COL9A3: variants seen among roughly 807,000 people sequenced by gnomAD.
COL9A3 encodes collagen type IX alpha 3 chain.
A neutral mutation model predicts 110.2 loss-of-function variants in COL9A3; 82 were observed. That is an observed-to-expected ratio of 0.74 (90% CI 0.62 to 0.89). COL9A3 has a LOEUF of 0.89. Ranked by LOEUF, COL9A3 falls within the 40% of genes least tolerant of loss-of-function variation. The pLI is 0.00. For missense variants in COL9A3, 1,066 were observed against 981.3 expected (o/e 1.09, Z -1.15); for synonymous variants, 494 against 403.8 (o/e 1.22, Z -2.68).
At chr20:62,834,802 C>A (rs942839833) in intron 26 of COL9A3, among the ~76,000 whole-genome samples, 2 of 152,058 alleles carry the variant, frequency 1.3e-5, no homozygotes, top group African/African-American at 4.8e-5. Context: ...ACCATCACAC[C>A]CGGCTAATTT....
rs140377811 is a variant in COL9A3 at position 62,837,209 on chromosome 20, G to A, written c.1730G>A (p.Arg577Gln). Reference protein sequence around the residue: ...PPGSIGHPGARGPPGYRGPTG... With the variant: ...PPGSIGHPGAQGPPGYRGPTG... ...GGCTCCATTGGTCACCCTGGCGCTC[G>A]AGGACCCCCTGGATACCGCGGTCCC... The change falls in exon 30 of 32, where the codon CGA (arginine) becomes CAA (glutamine). Residue 577 changes from arginine (R) to glutamine (Q), a missense_variant. Physicochemically the swap from Arg to Gln is conservative, Grantham distance 43. Transcript: ENST00000649368. The A allele has an allele frequency of 2.6e-4, 423 of 1,612,258 alleles. No homozygotes were observed. The highest frequency in any genetic ancestry group is 3.1e-4 in the Non-Finnish European group (370 of 1,179,634).
Position 62,829,787 on chromosome 20 carries a change from G to A in COL9A3, c.1129G>A (p.Glu377Lys). 1.3e-6 allele frequency: 2 copies of A among 1,586,130 alleles called. No individual in the cohort carries two copies. The highest frequency in any genetic ancestry group is 1.7e-6 in the Non-Finnish European group (2 of 1,166,686). ...GVPGDAGMPGERGEAGHRGSA... is the reference protein window; with the variant it reads ...GVPGDAGMPGKRGEAGHRGSA... ...GTAGGGAGATGCTGGCATGCCTGGG[G>A]AGCGCGGTGAGGCTGGCCACCGGGG... is the stretch of plus-strand genomic sequence containing the variant. The change falls in exon 22 of 32, where the codon GAG becomes AAG. Residue 377 changes from glutamate (E) to lysine (K), a missense_variant. Transcript: ENST00000649368.
At chr20:62,835,579 G>A (rs1171825079) in intron 26 of COL9A3, among the ~76,000 whole-genome samples, 1 of 152,184 alleles carries the variant, frequency 6.6e-6, no homozygotes, top group Admixed American at 6.5e-5. Context: ...GACCCAGCTG[G>A]AGGGGGTTCC....
At chr20:62,832,706 T>TGGGTGGGGCCGTGGTCTGGCTG in intron 25 of COL9A3, 1 of 361,690 alleles carries the variant, frequency 2.8e-6, no homozygotes, top group Non-Finnish European at 4.6e-6. Flanking sequence ...GTGCCTGCTC[T>TGGGTGGGGCCGTGGTCTGGCTG]CACTTCTAGG....
intron 12 of COL9A3, chr20:62,825,360 G>C (rs561371786): frequency 1.2e-5 from 4 of 329,686 alleles, no homozygotes; most frequent in African/African-American, 8.5e-5. Flanking sequence ...TTGTGTCTGT[G>C]GCCGGGGCGA....
chr20:62,826,077 T>A, intron 13 of COL9A3, 127 bp from the exon 14 acceptor site: 2 of 1,177,264 alleles, frequency 1.7e-6, no homozygotes, highest in Non-Finnish European at 2.4e-6. Flanking sequence ...CTGGGGGACC[T>A]GAGCTGAGGC....
intron 27 of COL9A3, 78 bp from the exon 28 acceptor site, chr20:62,836,085 AGGCTGGGCAAGACGGCTCCGTGCC>A: frequency 1.2e-6 from 2 of 1,604,150 alleles, no homozygotes; most frequent in Non-Finnish European, 1.7e-6. Context: ...GCTCTGGTCA[AGGCTGGGCAAGACGGCTCCGTGCC>A]GGCTGGGAAA....
intron 5 of COL9A3, among the ~76,000 whole-genome samples, chr20:62,820,197 C>T (rs1288785035): frequency 2.6e-5 from 4 of 152,052 alleles, no homozygotes; most frequent in Non-Finnish European, 2.9e-5. Context: ...TCAGAGTTGT[C>T]CTGGTATCCA....
chr20:62,823,309 G>A (rs56996604), intron 10 of COL9A3, among the ~76,000 whole-genome samples: 237 of 152,300 alleles, frequency 1.6e-3, no homozygotes, highest in African/African-American at 5.6e-3. Flanking sequence ...GCACTCCAGC[G>A]TGAGCAGCCA....
chr20:62,817,032 G>A, upstream of COL9A3: 1 of 1,195,924 alleles, frequency 8.4e-7, no homozygotes, highest in Non-Finnish European at 1.0e-6. Context: ...CGCGCCGCCC[G>A]CCCCGACGCC....
chr20:62,829,769 G>T lies in COL9A3; in HGVS notation c.1111G>T (p.Asp371Tyr). 6.3e-7 allele frequency: 1 copy of T among 1,591,414 alleles called. No homozygotes were observed. Reference sequence around the variant, plus strand: ...ACCCTCCTTCCTTTCCCTGTAGGGAGATGCTGGCATGCCTGGGGAGCGCGG... The same window carrying T: ...ACCCTCCTTCCTTTCCCTGTAGGGATATGCTGGCATGCCTGGGGAGCGCGG... ...GPSGEPGVPG[D>Y]AGMPGERGEA... The change falls in exon 22 of 32, where the codon GAT (aspartate) becomes TAT (tyrosine). Residue 371 changes from aspartate to tyrosine, a missense_variant. By Grantham distance (160) the Asp-to-Tyr change is radical. Transcript: ENST00000649368.
chr20:62,823,703 C>T (rs905562856), intron 10 of COL9A3, among the ~76,000 whole-genome samples: 1 of 152,246 alleles, frequency 6.6e-6, no homozygotes, highest in Non-Finnish European at 1.5e-5. Flanking sequence ...AGAAGCAGCC[C>T]TGGGTTTCCT....
At chr20:62,836,063 G>T in intron 27 of COL9A3, 110 bp downstream of exon 27, 1 of 1,606,900 alleles carries the variant, frequency 6.2e-7, no homozygotes, top group Non-Finnish European at 8.5e-7. Context: ...GATCCGAGAT[G>T]TAAAAAAGCT....
In COL9A3 at chr20:62,826,255, C is replaced by G. The variant is rs377520445; in HGVS notation, c.736C>G (p.Arg246Gly). 7 of 1,550,760 alleles carry G rather than the reference C, an allele frequency of 4.5e-6. No homozygotes were observed. Among genetic ancestry groups the G allele is most frequent in the Admixed American group, 1.9e-5 (1 of 51,420 alleles). ...LPGPLGPPGD[R>G]GPIGFRGPPG... is the part of the protein sequence containing the mutation. ...AGGGCCACTCGGGCCCCCTGGGGACCGGGTAAGTCCTGCAGCCCCTAGTGG... is the reference window on the plus strand; with the variant it reads ...AGGGCCACTCGGGCCCCCTGGGGACGGGGTAAGTCCTGCAGCCCCTAGTGG... The change falls in exon 14 of 32, where the codon CGG becomes GGG. Residue 246 changes from arginine to glycine, a missense_variant and splice_region_variant. Arg to Gly is a moderately radical substitution (Grantham distance 125, BLOSUM62 -2). Coordinates refer to ENST00000649368, the MANE Select transcript of COL9A3 (RefSeq NM_001853.4).
intron 27 of COL9A3, 72 bp downstream of exon 27, chr20:62,836,025 A>G: frequency 6.2e-7 from 1 of 1,606,940 alleles, no homozygotes. Flanking sequence ...CCTCTGGGCA[A>G]CCAGGCAGCC....
chr20:62,830,476 A>T (rs1345989292), intron 23 of COL9A3, 41 bp from the exon 24 acceptor site: 2 of 1,597,768 alleles, frequency 1.3e-6, no homozygotes, highest in Non-Finnish European at 1.7e-6. Context: ...GCCAGACCCG[A>T]CAGGGTATGG....
chr20:62,818,502 G>T lies in COL9A3; in HGVS notation c.148-16G>T, dbSNP rs773898020. On this transcript the variant is annotated splice_polypyrimidine_tract_variant and intron_variant, in intron 2 of 31. Coordinates refer to ENST00000649368, the MANE Select transcript of COL9A3 (RefSeq NM_001853.4). The stretch of plus-strand genomic sequence containing the variant: ...CCCTGATTTTCAGGGTTACATGTGG[G>T]TGTCTTTCCTCACAGGGAGAAGCTG... 65 of 1,612,626 alleles carry T rather than the reference G, an allele frequency of 4.0e-5. No homozygotes were observed. The highest frequency in any genetic ancestry group is 5.2e-5 in the Non-Finnish European group (61 of 1,179,692).
At position 62,818,522 on chromosome 20, in the gene COL9A3, A is replaced by T; in HGVS notation, c.152A>T (p.Glu51Val). Residue 51 changes from glutamate to valine, a missense_variant, in exon 3 of 32, where the codon GAA (glutamate) becomes GTA (valine). Physicochemically the swap from Glu to Val is moderately radical, Grantham distance 121. Coordinates refer to ENST00000649368, the MANE Select transcript of COL9A3 (RefSeq NM_001853.4). ...GKPGQDGIDG[E>V]AGPPGLPGPP... ...TGTGGGTGTCTTTCCTCACAGGGAG[A>T]AGCTGGTCCTCCAGGTCTGCCTGGG... 2 of 1,613,050 alleles carry T rather than the reference A, an allele frequency of 1.2e-6. No homozygotes were observed. The highest frequency in any genetic ancestry group is 1.7e-6 in the Non-Finnish European group (2 of 1,179,940).
At chr20:62,834,350 G>C (rs1371764009) in intron 26 of COL9A3, among the ~76,000 whole-genome samples, 2 of 152,194 alleles carry the variant, frequency 1.3e-5, no homozygotes, top group Non-Finnish European at 2.9e-5. Flanking sequence ...ACTTCCACAG[G>C]CCTAAAACTC....
Sources: gnomAD v4.1 joint callset for allele counts (sites outside exome capture counted in the v4.1 genomes callset) on GRCh38, gnomAD v4.1.1 for gene constraint, MANE v1.5 for transcripts, NCBI Gene and HGNC (gene_info 2026-07-23, HGNC 2026-07-21) for gene names.